PIGB: variants seen among roughly 807,000 people sequenced by gnomAD.
PIGB encodes the protein phosphatidylinositol glycan anchor biosynthesis class B.
Under a neutral mutation model 68.4 loss-of-function variants are expected in PIGB, and 58 were observed. That is an observed-to-expected ratio of 0.85 (90% confidence interval 0.69 to 1.06). The LOEUF (loss-of-function observed/expected upper bound fraction) is 1.06. PIGB is among the 50% of genes least tolerant of loss of function. PIGB has a pLI of 0.00. For missense variants in PIGB, 634 were observed against 655.8 expected, an observed-to-expected ratio of 0.97 and a Z score of 0.36; for synonymous variants, 219 against 220.5, an observed-to-expected ratio of 0.99 and a Z score of 0.06.
Position 55,320,384 on chromosome 15 carries a change from T to C in PIGB, c.273T>C (p.Leu91=). The part of the protein sequence containing the change: ...SFVPDEYWQS[L]EVSHHMVFNY... ...TTCCAGATGAATACTGGCAGTCTCTTGAAGTTTCACATCACATGGTTTTCA... is the reference window on the plus strand; with the variant it reads ...TTCCAGATGAATACTGGCAGTCTCTCGAAGTTTCACATCACATGGTTTTCA... Residue 91 remains leucine, a synonymous_variant, in exon 2 of 12, where the codon CTT becomes CTC. Coordinates refer to ENST00000164305, the MANE Select transcript of PIGB (RefSeq NM_004855.5). The C allele has an allele frequency of 1.2e-6, 2 of 1,613,668 alleles. No homozygotes were observed. The highest frequency in any genetic ancestry group is 8.5e-7 in the Non-Finnish European group (1 of 1,179,732).
At chr15:55,344,742 A>C (rs8031625) in intron 9 of PIGB, among the ~76,000 whole-genome samples, 19,437 of 152,126 alleles carry the variant, frequency 0.13, 3,551 homozygotes, top group African/African-American at 0.41. Flanking sequence ...AACACTAATT[A>C]AATTCTTAGT....
rs779296101 is a variant in PIGB at position 55,340,602 on chromosome 15, A to G, written c.847-10A>G. On this transcript the variant is annotated splice_polypyrimidine_tract_variant and intron_variant, in intron 7 of 11. Coordinates refer to ENST00000164305, the MANE Select transcript of PIGB (RefSeq NM_004855.5). ...CACATTTCTATTTATTTTTCCTTCAACGGTGCCAGTGGACTCTGGTTCAAT... is the reference window on the plus strand; with the variant it reads ...CACATTTCTATTTATTTTTCCTTCAGCGGTGCCAGTGGACTCTGGTTCAAT... 65 of 1,592,050 alleles carry G rather than the reference A, an allele frequency of 4.1e-5. No homozygotes were observed. The South Asian group carries it at 5.1e-4, about 12-fold the overall frequency.
At chr15:55,324,804 C>G in intron 3 of PIGB, 1 of 985,036 alleles carries the variant, frequency 1.0e-6, no homozygotes, top group Non-Finnish European at 1.2e-6. Flanking sequence ...AAGGATGAAG[C>G]TTATAGCTCC....
At chr15:55,354,451 C>G (rs954529187) in intron 10 of PIGB, 2 of 194,344 alleles carry the variant, frequency 1.0e-5, no homozygotes, top group African/African-American at 2.3e-5. Flanking sequence ...CTCCTATTAA[C>G]AAGTTAACTT....
intron 3 of PIGB, among the ~76,000 whole-genome samples, chr15:55,322,841 A>T (rs1205468638): frequency 1.3e-5 from 2 of 152,184 alleles, no homozygotes; most frequent in African/African-American, 4.8e-5. Flanking sequence ...ACAGTTATCT[A>T]CTAGTTTATA....
At chr15:55,340,848 C>G (rs1566955275) in intron 8 of PIGB, 25 bp downstream of exon 8, 1 of 1,411,508 alleles carries the variant, frequency 7.1e-7, no homozygotes, top group East Asian at 2.4e-5. Flanking sequence ...GTTCAAAAGG[C>G]TAAAATTTTT....
At chr15:55,324,251 A>G (rs2055229842) in intron 3 of PIGB, among the ~76,000 whole-genome samples, 1 of 152,190 alleles carries the variant, frequency 6.6e-6, no homozygotes, top group African/African-American at 2.4e-5. Flanking sequence ...AGGAGTGTAA[A>G]GAACAGAAGT....
chr15:55,332,178 T>C (rs915810724), intron 5 of PIGB, among the ~76,000 whole-genome samples: 1 of 151,706 alleles, frequency 6.6e-6, no homozygotes, highest in Non-Finnish European at 1.5e-5. Context: ...TTTCACCATG[T>C]TGGCCAGGCT....
rs374531998 is a variant in PIGB at position 55,350,833 on chromosome 15, A to G, written c.1258A>G (p.Lys420Glu). ...TCTTGATGTCATGAGTCATATTCAA[A>G]AAGTTTGTTACAACAATCCCAATAA... ...GTLDVMSHIQ[K>E]VCYNNPNKSS... The change falls in exon 10 of 12, where the codon AAA becomes GAA. Residue 420 changes from lysine (K) to glutamate (E), a missense_variant. Coordinates refer to ENST00000164305, the MANE Select transcript of PIGB (RefSeq NM_004855.5). The G allele has an allele frequency of 1.2e-5, 20 of 1,611,564 alleles. No individual in the cohort carries two copies. Among genetic ancestry groups the G allele is most frequent in the Admixed American group, 1.7e-5 (1 of 59,996 alleles).
intron 3 of PIGB, among the ~76,000 whole-genome samples, chr15:55,325,151 C>A (rs981296580): frequency 2.0e-5 from 3 of 151,984 alleles, no homozygotes; most frequent in African/African-American, 7.3e-5. Context: ...CATGGTGAAA[C>A]CCCATCTCTA....
chr15:55,347,918 T>C (rs962570928), intron 9 of PIGB, among the ~76,000 whole-genome samples: 2 of 152,026 alleles, frequency 1.3e-5, no homozygotes, highest in Non-Finnish European at 2.9e-5. Context: ...TTCACAGTCT[T>C]GATCACCAAG....
chr15:55,331,471 T>G (rs1285489540), intron 5 of PIGB, among the ~76,000 whole-genome samples: 1 of 152,124 alleles, frequency 6.6e-6, no homozygotes, highest in Non-Finnish European at 1.5e-5. Flanking sequence ...CTCCACACTT[T>G]GGGAGGCCGA....
chr15:55,354,798 C>T lies in PIGB; in HGVS notation c.1338C>T (p.Ser446=), dbSNP rs2056035839. ...MMPCHSTPYY[S]HVHCPLPMRF... ...ATTATGGTAACTTTTCTTTTCATAG[C>T]CATGTTCACTGCCCACTTCCCATGA... The change falls in exon 11 of 12, where the codon AGC becomes AGT. Residue 446 remains serine (S), a splice_region_variant and synonymous_variant. Coordinates refer to ENST00000164305, the MANE Select transcript of PIGB (RefSeq NM_004855.5). 1 of 1,598,516 alleles carries T rather than the reference C, an allele frequency of 6.3e-7. No individual in the cohort carries two copies. The highest frequency in any genetic ancestry group is 8.5e-7 in the Non-Finnish European group (1 of 1,175,194).
chr15:55,342,116 C>A (rs576226857), intron 9 of PIGB, among the ~76,000 whole-genome samples: 51 of 152,254 alleles, frequency 3.3e-4, no homozygotes, highest in African/African-American at 9.1e-4. Context: ...ATGGCAAGTC[C>A]TTCTCTCAAA....
At position 55,321,365 on chromosome 15, in the gene PIGB, T is replaced by G. The variant is rs923907091; in HGVS notation, c.392T>G (p.Leu131Ter). 3 of 1,602,740 alleles carry G rather than the reference T, an allele frequency of 1.9e-6. No individual in the cohort carries two copies. The highest frequency in any genetic ancestry group is 2.2e-5 in the East Asian group (1 of 44,746). The change falls in exon 3 of 12, where the codon TTA becomes TGA. Residue 131 changes from leucine to a stop codon, truncating the protein, a stop_gained. Coordinates refer to ENST00000164305, the MANE Select transcript of PIGB (RefSeq NM_004855.5). LOFTEE classifies it high-confidence loss of function. ...FASIYKILHL[L>*]GKDSVQLLIW... is the part of the protein sequence containing the mutation. ...AGCATTTACAAGATTCTTCATCTTT[T>G]AGGGAAAGATAGTGTTCAGTTGCTG...
rs563454984 is a variant in PIGB at position 55,349,125 on chromosome 15, C to T, written c.1124-1574C>T. Among the ~76,000 whole-genome samples the T allele has an allele frequency of 4.6e-5, 7 of 150,948 alleles. No homozygotes were observed. In the South Asian group the frequency reaches 8.3e-4, roughly 18 times the overall value. On this transcript the variant is annotated intron_variant, in intron 9 of 11. Coordinates refer to ENST00000164305, the MANE Select transcript of PIGB (RefSeq NM_004855.5). ...CTTGAACTCCTGACCTCAAGTGATC[C>T]GCCTGCCTTGTCCTCCCAAAGTACT... is the stretch of plus-strand genomic sequence containing the variant.
intron 9 of PIGB, chr15:55,346,347 TAGG>T (rs2055794242): frequency 6.6e-6 from 1 of 152,222 alleles, no homozygotes; most frequent in African/African-American, 2.4e-5. Flanking sequence ...CATGATCTGA[TAGG>T]AGCCCAGTGT....
intron 9 of PIGB, among the ~76,000 whole-genome samples, chr15:55,344,592 C>T (rs912749646): frequency 1.3e-5 from 2 of 152,156 alleles, no homozygotes; most frequent in Admixed American, 6.5e-5. Context: ...ACTTCTCTTG[C>T]CTAATTTGAA....
Position 55,333,907 on chromosome 15 carries a change from C to A in PIGB, c.694C>A (p.Arg232Ser). ...CCTGGTGGCACTTGCCTTCATAATTCGTCCCACAGCTGTCATTCTGTGGAC... is the reference window on the plus strand; with the variant it reads ...CCTGGTGGCACTTGCCTTCATAATTAGTCCCACAGCTGTCATTCTGTGGAC... ...SSLVALAFII[R>S]PTAVILWTPL... The change falls in exon 6 of 12, where the codon CGT (arginine) becomes AGT (serine). Residue 232 changes from arginine to serine, a missense_variant. Physicochemically the swap from Arg to Ser is moderately radical, Grantham distance 110. Transcript: ENST00000164305. 6.2e-7 allele frequency: 1 copy of A among 1,607,028 alleles called. No homozygotes were observed. The highest frequency in any genetic ancestry group is 8.5e-7 in the Non-Finnish European group (1 of 1,176,724).
Sources: allele counts gnomAD v4.1 joint callset (sites outside exome capture counted in the v4.1 genomes callset), GRCh38; gene constraint gnomAD v4.1.1; transcripts MANE v1.5; gene names NCBI Gene and HGNC (gene_info 2026-07-23, HGNC 2026-07-21).